DCLK1: variants seen among roughly 807,000 people sequenced by gnomAD.
DCLK1 encodes the protein doublecortin like kinase 1.
A neutral mutation model predicts 86.2 loss-of-function variants in DCLK1; 16 were observed. The ratio of observed to expected loss-of-function variants is 0.19; its 90% CI spans 0.13 to 0.28. The LOEUF is 0.28. Among genes scored for constraint, DCLK1 ranks in the 10% least tolerant of loss-of-function variants. The pLI is 1.00. For missense variants in DCLK1, 590 were observed against 940.2 expected (o/e 0.63, Z 4.87); for synonymous variants, 369 against 370.5 (o/e 1.00, Z 0.05).
At chr13:35,790,397 C>G (rs1388452454) in intron 16 of DCLK1, among the ~76,000 whole-genome samples, 1 of 152,102 alleles carries the variant, frequency 6.6e-6, no homozygotes, top group Non-Finnish European at 1.5e-5. Context: ...ATGAGAAGTA[C>G]TAGTTAAAAA....
chr13:35,804,016 T>C (rs1002059516), intron 15 of DCLK1, among the ~76,000 whole-genome samples: 8 of 152,230 alleles, frequency 5.3e-5, no homozygotes, highest in Admixed American at 5.2e-4. Context: ...TACAATGTTG[T>C]TGGGAAGAAC....
intron 4 of DCLK1, among the ~76,000 whole-genome samples, chr13:35,901,299 C>T (rs774459767): frequency 9.2e-5 from 14 of 151,784 alleles, no homozygotes; most frequent in Non-Finnish European, 1.6e-4. Context: ...CCAGCCTGGC[C>T]AACATGGTGA....
intron 3 of DCLK1, among the ~76,000 whole-genome samples, chr13:35,958,136 AACC>A (rs1566620635): frequency 8.9e-5 from 1 of 11,288 alleles, no homozygotes; most frequent in Admixed American, 7.4e-4. Context: ...CCACTACTAT[AACC>A]ACCACCACCA....
chr13:35,791,767 G>C (rs1451753736), intron 16 of DCLK1, among the ~76,000 whole-genome samples: 2 of 152,140 alleles, frequency 1.3e-5, no homozygotes, highest in East Asian at 3.9e-4. Flanking sequence ...GAAAACAAAA[G>C]CAAAATGACA....
intron 4 of DCLK1, among the ~76,000 whole-genome samples, chr13:35,913,195 G>C (rs979418689): frequency 6.6e-6 from 1 of 152,182 alleles, no homozygotes; most frequent in Non-Finnish European, 1.5e-5. Context: ...TCTGCCCAAA[G>C]GGCCTTGTGT....
intron 3 of DCLK1, among the ~76,000 whole-genome samples, chr13:35,975,898 A>T (rs1027815513): frequency 3.3e-5 from 5 of 152,130 alleles, no homozygotes; most frequent in Non-Finnish European, 5.9e-5. Context: ...GAAAACTTCC[A>T]CAATGCACTA....
At chr13:36,104,046 C>G (rs1170503060) in intron 3 of DCLK1, among the ~76,000 whole-genome samples, 1 of 152,174 alleles carries the variant, frequency 6.6e-6, no homozygotes, top group African/African-American at 2.4e-5. Flanking sequence ...TTTTTATTTT[C>G]TATACTAGAG....
At chr13:35,789,568 G>A (rs1187491411) in intron 16 of DCLK1, among the ~76,000 whole-genome samples, 10 of 152,132 alleles carry the variant, frequency 6.6e-5, no homozygotes, top group Non-Finnish European at 1.5e-4. Context: ...GCTTCCCAGT[G>A]TCACAATTAT....
intron 15 of DCLK1, among the ~76,000 whole-genome samples, chr13:35,801,468 T>C (rs922098952): frequency 1.3e-5 from 2 of 149,904 alleles, no homozygotes; most frequent in African/African-American, 4.9e-5. Context: ...ATTTTTTTTT[T>C]CTAGGATGGT....
intron 14 of DCLK1, among the ~76,000 whole-genome samples, chr13:35,806,210 T>A (rs1421914441): frequency 6.6e-6 from 1 of 152,104 alleles, no homozygotes; most frequent in Non-Finnish European, 1.5e-5. Flanking sequence ...TTCCCCCTAA[T>A]TTCAAGACGG....
chr13:35,969,085 A>G (rs1001505572), intron 3 of DCLK1, among the ~76,000 whole-genome samples: 11 of 152,230 alleles, frequency 7.2e-5, no homozygotes. Context: ...ACAAGGGTAC[A>G]GTGTCTCAGG....
At chr13:36,106,733 A>G (rs1334040439) in intron 3 of DCLK1, among the ~76,000 whole-genome samples, 1 of 152,196 alleles carries the variant, frequency 6.6e-6, no homozygotes, top group East Asian at 1.9e-4. Context: ...TTCCCATTCC[A>G]AATAAATCCT....
chr13:36,104,213 C>T (rs569165632), intron 3 of DCLK1, among the ~76,000 whole-genome samples: 111 of 152,216 alleles, frequency 7.3e-4, no homozygotes, highest in African/African-American at 2.5e-3. Flanking sequence ...GGCCATGACC[C>T]GTAAGGACCT....
intron 4 of DCLK1, among the ~76,000 whole-genome samples, chr13:35,924,408 C>T (rs1003065423): frequency 3.3e-5 from 5 of 152,194 alleles, no homozygotes; most frequent in Admixed American, 1.3e-4. Context: ...CCAGCACTTT[C>T]GGAGGCTGAG....
chr13:36,013,261 T>C (rs1232439168), intron 3 of DCLK1, among the ~76,000 whole-genome samples: 32 of 152,008 alleles, frequency 2.1e-4, no homozygotes, highest in Non-Finnish European at 4.1e-4. Context: ...CTTTGTTCCA[T>C]TGCTGGTGAG....
chr13:35,793,537 T>C (rs931569724), intron 15 of DCLK1, 58 bp from the exon 16 acceptor site: 1 of 1,391,216 alleles, frequency 7.2e-7, no homozygotes, highest in Non-Finnish European at 9.9e-7. Context: ...AAATGAAAAA[T>C]GAAGGCTAAA....
intron 11 of DCLK1, among the ~76,000 whole-genome samples, chr13:35,812,444 G>T (rs531186870): frequency 6.6e-6 from 1 of 152,334 alleles, no homozygotes; most frequent in Middle Eastern, 3.4e-3. Flanking sequence ...TGCTGCAGTA[G>T]TTTGAATCTT....
chr13:35,849,586 G>A (rs1366179365), intron 6 of DCLK1: 4 of 977,150 alleles, frequency 4.1e-6, no homozygotes, highest in Non-Finnish European at 4.9e-6. Flanking sequence ...ATTATTTTAT[G>A]TTTAAGCAAA....
intron 4 of DCLK1, among the ~76,000 whole-genome samples, chr13:35,877,222 G>C (rs1397960484): frequency 1.3e-5 from 2 of 152,190 alleles, no homozygotes; most frequent in African/African-American, 4.8e-5. Context: ...GACAGATTTA[G>C]AGAGACAGCC....
Sources: allele counts gnomAD v4.1 joint callset (sites outside exome capture counted in the v4.1 genomes callset), GRCh38; gene constraint gnomAD v4.1.1; transcripts MANE v1.5; gene names NCBI Gene and HGNC (gene_info 2026-07-23, HGNC 2026-07-21).